Variants in NTM observed in about 807,000 individuals in gnomAD.
The protein encoded by NTM is IgLON family member 2.
In NTM, 13 loss-of-function variants were observed where a neutral mutation model predicts 42.1. The ratio of observed to expected loss-of-function variants is 0.31; its 90% confidence interval spans 0.20 to 0.49. NTM has a LOEUF of 0.49. NTM is among the 20% of genes least tolerant of loss of function. The probability of loss-of-function intolerance (pLI) is 0.99; values close to 1 mark genes in which losing one functional copy is unlikely to be tolerated. For missense variants in NTM, 373 were observed against 452.8 expected (o/e 0.82, Z 1.60); for synonymous variants, 187 against 179.2 (o/e 1.04, Z -0.35).
At chr11:132,078,751 G>A (rs369082277) in intron 2 of NTM, among the ~76,000 whole-genome samples, 17 of 152,194 alleles carry the variant, frequency 1.1e-4, no homozygotes, top group African/African-American at 3.1e-4. Flanking sequence ...AATTTAATCC[G>A]TATGTTTCTG....
chr11:132,230,337 A>C (rs61314230), intron 4 of NTM, among the ~76,000 whole-genome samples: 1 of 152,298 alleles, frequency 6.6e-6, no homozygotes, highest in African/African-American at 2.4e-5. Context: ...TGAAGTAGGT[A>C]ATAATGTCAT....
chr11:131,569,896 T>C (rs1260985546), intron 1 of NTM, among the ~76,000 whole-genome samples: 3 of 152,242 alleles, frequency 2.0e-5, no homozygotes, highest in African/African-American at 7.2e-5. Flanking sequence ...CTCTGTTTTC[T>C]AGGCCTAAGA....
chr11:131,408,204 C>A (rs1192921210), intron 1 of NTM, among the ~76,000 whole-genome samples: 1 of 152,120 alleles, frequency 6.6e-6, no homozygotes, highest in African/African-American at 2.4e-5. Flanking sequence ...TGGCCAACAC[C>A]CTCCCCGGCC....
At chr11:131,631,245 G>A (rs1267992276) in intron 1 of NTM, among the ~76,000 whole-genome samples, 1 of 152,222 alleles carries the variant, frequency 6.6e-6, no homozygotes, top group Non-Finnish European at 1.5e-5. Flanking sequence ...TGTATGAAAA[G>A]CACGTAGCTT....
chr11:131,757,077 G>C (rs11222775), intron 1 of NTM, among the ~76,000 whole-genome samples: 5,300 of 152,278 alleles, frequency 0.035, 134 homozygotes, highest in South Asian at 0.082. Flanking sequence ...TTGGGATGCT[G>C]CTCCTAATTC....
At chr11:131,504,376 A>G (rs1000909648) in intron 1 of NTM, among the ~76,000 whole-genome samples, 8 of 151,808 alleles carry the variant, frequency 5.3e-5, no homozygotes, top group Admixed American at 4.6e-4. Context: ...GGCTGCCCCC[A>G]CCTGCCATAA....
In NTM at chr11:132,166,297, C is replaced by T. The variant is rs146405487; in HGVS notation, c.400+19783C>T. Among the ~76,000 whole-genome samples, 1,476 of 152,242 alleles carry T rather than the reference C, an allele frequency of 9.7e-3. 17 individuals are homozygous for T. Among genetic ancestry groups the T allele is most frequent in the Non-Finnish European group, 0.012 (808 of 68,022 alleles). On this transcript the variant is annotated intron_variant, in intron 3 of 8. Coordinates refer to ENST00000683400, the MANE Select transcript of NTM (RefSeq NM_001352005.2). The stretch of plus-strand genomic sequence containing the variant: ...GCAATGAGTCAACCCGCCTTGCCCA[C>T]CTCATGGTCTCTATTAGTGAGACCT...
intron 2 of NTM, among the ~76,000 whole-genome samples, chr11:132,127,448 C>A (rs374024311): frequency 6.6e-6 from 1 of 152,218 alleles, no homozygotes; most frequent in Non-Finnish European, 1.5e-5. Context: ...GACCTTCTGA[C>A]GGATGGGGAG....
intron 2 of NTM, among the ~76,000 whole-genome samples, chr11:131,963,343 T>C (rs1366764258): frequency 1.3e-5 from 2 of 152,206 alleles, no homozygotes; most frequent in Non-Finnish European, 2.9e-5. Flanking sequence ...TCTTTTATAA[T>C]GGACTGCAAG....
intron 1 of NTM, among the ~76,000 whole-genome samples, chr11:131,853,947 C>T (rs191818597): frequency 4.6e-5 from 7 of 152,228 alleles, no homozygotes; most frequent in African/African-American, 9.6e-5. Context: ...TTTTGAATAA[C>T]GACATATTTA....
chr11:131,664,753 G>GTTTTTTTTTTTTTTTTTTTT (rs199824869), intron 1 of NTM, among the ~76,000 whole-genome samples: 2 of 112,912 alleles, frequency 1.8e-5, no homozygotes, highest in African/African-American at 6.7e-5. Flanking sequence ...CTCTTCCATT[G>GTTTTTTTTTTTTTTTTTTTT]TTTTTTTTTT....
intron 1 of NTM, among the ~76,000 whole-genome samples, chr11:131,434,620 A>G (rs1348224644): frequency 6.6e-6 from 1 of 152,020 alleles, no homozygotes; most frequent in Non-Finnish European, 1.5e-5. Flanking sequence ...TCCTTTGCGC[A>G]CTTTTCGATG....
chr11:132,114,953 A>G (rs2063689812), intron 2 of NTM, among the ~76,000 whole-genome samples: 2 of 152,140 alleles, frequency 1.3e-5, no homozygotes, highest in Admixed American at 1.3e-4. Context: ...TTTTCTTTGG[A>G]TATATACCCA....
At chr11:131,938,848 C>T (rs938727003) in intron 2 of NTM, among the ~76,000 whole-genome samples, 1 of 152,054 alleles carries the variant, frequency 6.6e-6, no homozygotes, top group African/African-American at 2.4e-5. Flanking sequence ...GGATGACTTC[C>T]AAGAGCTGAC....
intron 1 of NTM, among the ~76,000 whole-genome samples, chr11:131,552,432 G>C (rs1252843673): frequency 6.6e-6 from 1 of 151,700 alleles, no homozygotes; most frequent in Non-Finnish European, 1.5e-5. Flanking sequence ...GAATGTTTCT[G>C]GTAACCTTGT....
intron 1 of NTM, among the ~76,000 whole-genome samples, chr11:131,886,464 C>A (rs1248369215): frequency 1.3e-5 from 2 of 152,238 alleles, no homozygotes; most frequent in Non-Finnish European, 2.9e-5. Context: ...GGCAGCAGTT[C>A]ATTATCCAGT....
chr11:131,873,585 AC>A (rs1450398261), intron 1 of NTM, among the ~76,000 whole-genome samples: 2 of 43,504 alleles, frequency 4.6e-5, no homozygotes, highest in Non-Finnish European at 6.0e-5. Flanking sequence ...ATATATATAT[AC>A]CGTATATATA....
At chr11:132,040,338 C>G (rs2077026176) in intron 2 of NTM, among the ~76,000 whole-genome samples, 1 of 152,152 alleles carries the variant, frequency 6.6e-6, no homozygotes, top group African/African-American at 2.4e-5. Context: ...TGGCCATTAA[C>G]TAGAATGGAG....
chr11:132,215,957 T>G (rs777348000), intron 4 of NTM, among the ~76,000 whole-genome samples: 35 of 152,182 alleles, frequency 2.3e-4, no homozygotes, highest in Admixed American at 1.5e-3. Flanking sequence ...GGGTACTAGG[T>G]GCACAGGCAC....
Sources: gnomAD v4.1 joint callset for allele counts (sites outside exome capture counted in the v4.1 genomes callset) on GRCh38, gnomAD v4.1.1 for gene constraint, MANE v1.5 for transcripts, NCBI Gene and HGNC (gene_info 2026-07-23, HGNC 2026-07-21) for gene names.